SETBP1: variants seen among roughly 807,000 people sequenced by gnomAD.
SETBP1 encodes SET binding protein 1.
In SETBP1, 9 loss-of-function variants were observed where a neutral mutation model predicts 101.0. The ratio of observed to expected loss-of-function variants is 0.09; its 90% CI spans 0.05 to 0.16. The LOEUF (loss-of-function observed/expected upper bound fraction) is 0.16, where lower values mean the gene tolerates loss of function less well. Ranked by LOEUF, SETBP1 falls within the 10% of genes least tolerant of loss-of-function variation. The pLI, the probability that SETBP1 is intolerant of heterozygous loss-of-function variation, is 1.00. For synonymous variants in SETBP1, 818 were observed against 788.5 expected, an observed-to-expected ratio of 1.04 and a Z score of -0.63; for missense variants, 1,858 against 2,033.8, an observed-to-expected ratio of 0.91 and a Z score of 1.66.
intron 4 of SETBP1, among the ~76,000 whole-genome samples, chr18:44,959,919 T>G (rs890299027): frequency 5.3e-5 from 8 of 152,162 alleles, no homozygotes; most frequent in African/African-American, 7.2e-5. Context: ...GCAGTTTTTT[T>G]GTTTCTGTTT....
chr18:44,931,800 T>C (rs1476646407), intron 3 of SETBP1, among the ~76,000 whole-genome samples: 1 of 152,228 alleles, frequency 6.6e-6, no homozygotes, highest in Non-Finnish European at 1.5e-5. Context: ...TGGTAGATCT[T>C]CCTCGATCCC....
intron 2 of SETBP1, among the ~76,000 whole-genome samples, chr18:44,790,765 G>A (rs1423706552): frequency 2.6e-5 from 4 of 152,134 alleles, no homozygotes; most frequent in African/African-American, 9.7e-5. Flanking sequence ...TAAGAGTTGT[G>A]TGGCCCAAGT....
At chr18:44,837,905 T>C (rs2072531626) in intron 2 of SETBP1, among the ~76,000 whole-genome samples, 1 of 152,014 alleles carries the variant, frequency 6.6e-6, no homozygotes. Context: ...TGCAAACACA[T>C]CTCCTCTAGT....
At chr18:44,974,208 T>C (rs1339886911) in intron 4 of SETBP1, among the ~76,000 whole-genome samples, 1 of 152,204 alleles carries the variant, frequency 6.6e-6, no homozygotes, top group Non-Finnish European at 1.5e-5. Context: ...AGCCTGTGTA[T>C]GGGCCCTGGT....
intron 4 of SETBP1, among the ~76,000 whole-genome samples, chr18:44,959,155 G>A (rs143057195): frequency 6.6e-6 from 1 of 152,248 alleles, no homozygotes; most frequent in Admixed American, 6.5e-5. Context: ...TGTGGGATTG[G>A]GAAATTATGC....
chr18:44,791,939 G>A (rs2071381198), intron 2 of SETBP1, among the ~76,000 whole-genome samples: 1 of 152,038 alleles, frequency 6.6e-6, no homozygotes, highest in African/African-American at 2.4e-5. Flanking sequence ...CAACTGTGGG[G>A]AAGGCATCCA....
chr18:44,862,988 G>GT (rs1397253737), intron 2 of SETBP1, among the ~76,000 whole-genome samples: 1 of 152,134 alleles, frequency 6.6e-6, no homozygotes, highest in Non-Finnish European at 1.5e-5. Context: ...ACAGAGGTTT[G>GT]TTTGTTTGTT....
At chr18:44,859,415 A>T (rs2073034001) in intron 2 of SETBP1, among the ~76,000 whole-genome samples, 1 of 152,170 alleles carries the variant, frequency 6.6e-6, no homozygotes, top group African/African-American at 2.4e-5. Context: ...GGAGGGAGAT[A>T]GCAACCTTCC....
intron 2 of SETBP1, among the ~76,000 whole-genome samples, chr18:44,720,911 C>A (rs886095207): frequency 2.2e-5 from 3 of 138,962 alleles, no homozygotes; most frequent in East Asian, 2.3e-4. Context: ...ACCCCCACCC[C>A]CCACCCCAAC....
chr18:45,043,121 A>G (rs1297601223), intron 5 of SETBP1, among the ~76,000 whole-genome samples: 1 of 152,146 alleles, frequency 6.6e-6, no homozygotes, highest in African/African-American at 2.4e-5. Context: ...GATTTTTCTG[A>G]TTTTCTAGAT....
intron 3 of SETBP1, among the ~76,000 whole-genome samples, chr18:44,890,650 G>A (rs1224755358): frequency 2.0e-5 from 3 of 152,070 alleles, no homozygotes; most frequent in African/African-American, 7.2e-5. Flanking sequence ...AAATAAGAAG[G>A]TGACCTGTGG....
rs531550267 is a variant in SETBP1, at chr18:44,930,590, A to G, written c.541-19291A>G. On this transcript the variant is annotated intron_variant, in intron 3 of 5. Coordinates refer to ENST00000649279, the MANE Select transcript of SETBP1 (RefSeq NM_015559.3). Reference sequence around the variant, plus strand: ...CTAGACTTTTTTTGATTGGTAGGCTATTAATTATTGCCTCAATTTCAGAAC... The same window carrying G: ...CTAGACTTTTTTTGATTGGTAGGCTGTTAATTATTGCCTCAATTTCAGAAC... Among the ~76,000 whole-genome samples the G allele has an allele frequency of 8.5e-5, 13 of 152,286 alleles. No individual in the cohort carries two copies. The East Asian group carries it at 2.3e-3, about 27-fold the overall frequency.
At chr18:44,855,279 T>TG (rs1486014615) in intron 2 of SETBP1, among the ~76,000 whole-genome samples, 1 of 152,198 alleles carries the variant, frequency 6.6e-6, no homozygotes, top group Non-Finnish European at 1.5e-5. Flanking sequence ...TGGTTCGTTT[T>TG]GGGGTTTTTA....
chr18:44,731,350 G>A (rs1007682802), intron 2 of SETBP1, among the ~76,000 whole-genome samples: 3 of 152,276 alleles, frequency 2.0e-5, no homozygotes, highest in South Asian at 2.1e-4. Context: ...GGCCACAGGC[G>A]GGAGAGGCAC....
chr18:45,014,307 C>A (rs2072899478), intron 4 of SETBP1, among the ~76,000 whole-genome samples: 1 of 152,160 alleles, frequency 6.6e-6, no homozygotes. Context: ...GTTTGTGGGC[C>A]ACAGACTTCC....
At chr18:45,052,361 G>T (rs1240809374) in intron 5 of SETBP1, among the ~76,000 whole-genome samples, 1 of 152,146 alleles carries the variant, frequency 6.6e-6, no homozygotes, top group East Asian at 1.9e-4. Context: ...TTTAAAGAAT[G>T]GGTGGAATAT....
rs1207595308 is a variant in SETBP1 at position 45,068,209 on chromosome 18, T to C, written c.*4511T>C. 6.6e-6 allele frequency: 1 copy of C among 152,230 alleles called. No homozygotes were observed. The highest frequency in any genetic ancestry group is 3.2e-3 in the Middle Eastern group (1 of 316). The allele number at this position is 152,230 out of a possible 1,614,324, so 9.4% of individuals were successfully genotyped here. ...TTATTGAATATAGAGGCAAGAAAAT[T>C]GTACATTGTTTGAAATGTTCTTTTT... is the stretch of plus-strand genomic sequence containing the variant. On this transcript the variant is annotated 3_prime_UTR_variant, in exon 6 of 6. Transcript: ENST00000649279.
At chr18:44,683,804 C>T (rs1165775890) in intron 1 of SETBP1, among the ~76,000 whole-genome samples, 3 of 152,176 alleles carry the variant, frequency 2.0e-5, no homozygotes, top group Non-Finnish European at 4.4e-5. Context: ...GCCAATGAAA[C>T]CCTGTTTTCT....
At chr18:44,821,631 A>G (rs199664118) in intron 2 of SETBP1, among the ~76,000 whole-genome samples, 2 of 152,176 alleles carry the variant, frequency 1.3e-5, no homozygotes, top group South Asian at 2.1e-4. Context: ...GACTTTATAT[A>G]CCCCTGCCTA....
Sources: allele counts gnomAD v4.1 joint callset (sites outside exome capture counted in the v4.1 genomes callset), GRCh38; gene constraint gnomAD v4.1.1; transcripts MANE v1.5; gene names NCBI Gene and HGNC (gene_info 2026-07-23, HGNC 2026-07-21).